The following L1TD1 variants were observed in gnomAD, a reference collection of about 807,000 sequenced individuals.
L1TD1 encodes LINE1 type transposase domain containing 1.
In L1TD1, 26 loss-of-function variants were observed where a neutral mutation model predicts 25.7. The observed-to-expected ratio is 1.01, with a 90% CI of 0.74 to 1.40. The LOEUF (loss-of-function observed/expected upper bound fraction) is 1.40. L1TD1 is among the 40% of genes most tolerant of loss of function. L1TD1 has a pLI of 0.00. For synonymous variants in L1TD1, 421 were observed against 335.6 expected (o/e 1.25, Z -2.78); for missense variants, 1,130 against 975.0 (o/e 1.16, Z -2.12).
chr1:62,197,429 A>G lies in L1TD1; in HGVS notation c.-111+901A>G, dbSNP rs919144205. Reference sequence around the variant, plus strand: ...TATATATATATATATATATATATATATATAGTTTAGTCCTGCTACTCAATC... The same window carrying G: ...TATATATATATATATATATATATATGTATAGTTTAGTCCTGCTACTCAATC... On this transcript the variant is annotated intron_variant, in intron 2 of 3. Coordinates refer to ENST00000498273, the MANE Select transcript of L1TD1 (RefSeq NM_019079.5). Among the ~76,000 whole-genome samples the G allele has an allele frequency of 2.4e-5, 3 of 126,098 alleles. No homozygotes were observed. The Admixed American group carries it at 2.5e-4, about 11-fold the overall frequency. The allele number at this position is 126,098 out of a possible 152,430, so 82.7% of individuals were successfully genotyped here.
At position 62,210,662 on chromosome 1, in the gene L1TD1, G is replaced by C. The variant is rs1557448083; in HGVS notation, c.1888G>C (p.Glu630Gln). The change falls in exon 4 of 4, where the codon GAG becomes CAG. Residue 630 changes from glutamate to glutamine, a missense_variant. Transcript: ENST00000498273. Reference protein sequence around the residue: ...SVINSIREIKEEIGNLKSSHS... With the variant: ...SVINSIREIKQEIGNLKSSHS... ...GATTAATAGCATCAGAGAGATAAAA[G>C]AGGAGATTGGAAATTTGAAAAGTTC... 6.4e-7 allele frequency: 1 copy of C among 1,559,290 alleles called. No homozygotes were observed. Among genetic ancestry groups the C allele is most frequent in the Middle Eastern group, 1.7e-4 (1 of 6,006 alleles).
At position 62,210,010 on chromosome 1, in the gene L1TD1, G is replaced by A; in HGVS notation, c.1236G>A (p.Gly412=). 6.3e-7 allele frequency: 1 copy of A among 1,580,868 alleles called. No homozygotes were observed. The highest frequency in any genetic ancestry group is 8.6e-7 in the Non-Finnish European group (1 of 1,157,076). The change falls in exon 4 of 4, where the codon GGG becomes GGA. Residue 412 remains glycine (G), a synonymous_variant. Transcript: ENST00000498273. Reference sequence around the variant, plus strand: ...AGGAGGAGGAGGAAGAGCCCTCAGGGCTGGAGGAGGAAGAAGAAGAAGAGG... The same window carrying A: ...AGGAGGAGGAGGAAGAGCCCTCAGGACTGGAGGAGGAAGAAGAAGAAGAGG... ...GLEEEEEEPS[G]LEEEEEEEAS...
At chr1:62,209,652 A>T in intron 3 of L1TD1, 131 bp from the exon 4 acceptor site, 1 of 799,862 alleles carries the variant, frequency 1.3e-6, no homozygotes, top group Non-Finnish European at 1.9e-6. Flanking sequence ...ATTAATATTT[A>T]AGCACTTTTT....
intron 1 of L1TD1, among the ~76,000 whole-genome samples, chr1:62,196,036 CAA>C (rs60515153): frequency 0.66 from 97,097 of 146,088 alleles, 31,937 homozygotes; most frequent in Non-Finnish European, 0.69. Flanking sequence ...AACTCCGTCT[CAA>C]AAAAAAAAAA....
At chr1:62,202,006 T>A (rs1670648098) in intron 2 of L1TD1, among the ~76,000 whole-genome samples, 1 of 152,106 alleles carries the variant, frequency 6.6e-6, no homozygotes, top group Non-Finnish European at 1.5e-5. Context: ...ATTTACTTAA[T>A]TAAGAGGGAT....
In L1TD1 at chr1:62,209,924, C is replaced by CT. The variant is rs781411660; in HGVS notation, c.1151dup (p.Glu385ArgfsTer5). ...GACTCAAGAGGAAGAGTTTTCCGAG[C>CT]TAGAGGAGCTGGATGAAGAGGCCTC... On this transcript the variant is annotated frameshift_variant, in exon 4 of 4. Coordinates refer to ENST00000498273, the MANE Select transcript of L1TD1 (RefSeq NM_019079.5). LOFTEE classifies it low-confidence loss of function (END_TRUNC). 6.2e-7 allele frequency: 1 copy of CT among 1,613,092 alleles called. No homozygotes were observed. The highest frequency in any genetic ancestry group is 2.2e-5 in the East Asian group (1 of 44,836).
chr1:62,201,512 T>C (rs1216712092), intron 2 of L1TD1, among the ~76,000 whole-genome samples: 1 of 125,542 alleles, frequency 8.0e-6, no homozygotes. Flanking sequence ...AAAAAAAAAA[T>C]TAGCATATTC....
intron 2 of L1TD1, among the ~76,000 whole-genome samples, chr1:62,199,527 C>A (rs577410350): frequency 2.0e-5 from 3 of 150,978 alleles, no homozygotes; most frequent in African/African-American, 7.3e-5. Context: ...GCATTTGATA[C>A]AGTTAACAAC....
chr1:62,205,439 ATATATT>A lies in L1TD1; in HGVS notation c.-110-1078_-110-1073del, dbSNP rs1236608173. Among the ~76,000 whole-genome samples the A allele has an allele frequency of 9.0e-5, 4 of 44,220 alleles. No individual in the cohort carries two copies. The East Asian group carries it at 1.8e-3, about 20-fold the overall frequency. 29.0% of individuals were successfully genotyped at this position (44,220 alleles called of 152,430 possible). A position where few individuals can be genotyped will look rare whatever the true frequency, so the allele number is the denominator to read the frequency against. On this transcript the variant is annotated intron_variant, in intron 2 of 3. Transcript: ENST00000498273. The stretch of plus-strand genomic sequence containing the variant: ...TCTCTATATATATATATATATATAT[ATATATT>A]TTTTTTTAGACAGTCTTGCTGTGTT...
chr1:62,209,709 T>A, intron 3 of L1TD1, 74 bp from the exon 4 acceptor site: 1 of 1,209,532 alleles, frequency 8.3e-7, no homozygotes, highest in Non-Finnish European at 1.1e-6. Flanking sequence ...TTAGTGAAAT[T>A]GAAATTTTAA....
In L1TD1 at chr1:62,210,757, A is replaced by G. The variant is rs1260386993; in HGVS notation, c.1983A>G (p.Glu661=). 1.9e-6 allele frequency: 3 copies of G among 1,551,526 alleles called. No homozygotes were observed. Among genetic ancestry groups the G allele is most frequent in the South Asian group, 2.4e-5 (2 of 84,000 alleles). The change falls in exon 4 of 4, where the codon GAA becomes GAG. Residue 661 remains glutamate, a synonymous_variant. Coordinates refer to ENST00000498273, the MANE Select transcript of L1TD1 (RefSeq NM_019079.5). ...DLSSRMDILE[E]RIDSLEDQIE... is the part of the protein sequence containing the mutation. ...GTAGCAGAATGGACATACTTGAAGAAAGAATAGACAGTCTAGAAGATCAAA... is the reference window on the plus strand; with the variant it reads ...GTAGCAGAATGGACATACTTGAAGAGAGAATAGACAGTCTAGAAGATCAAA...
Position 62,207,451 on chromosome 1 carries a change from A to G in L1TD1, c.823A>G (p.Lys275Glu). The change falls in exon 3 of 4, where the codon AAA becomes GAA. Residue 275 changes from lysine to glutamate, a missense_variant. Lys to Glu is a moderately conservative substitution (Grantham distance 56, BLOSUM62 1). Transcript: ENST00000498273. ...TCTGAGAGAAAATGATTTTGAACCT[A>G]AATTTCTGTGTGAAGTTAAATTAGC... ...NILRENDFEP[K>E]FLCEVKLAFK... 1.3e-6 allele frequency: 2 copies of G among 1,551,148 alleles called. No individual in the cohort carries two copies. The highest frequency in any genetic ancestry group is 1.7e-6 in the Non-Finnish European group (2 of 1,146,694).
chr1:62,205,441 A>ATTTTTTT lies in L1TD1; in HGVS notation c.-110-1077_-110-1076insTTTTTTT, dbSNP rs1447667211. On this transcript the variant is annotated intron_variant, in intron 2 of 3. Transcript: ENST00000498273. ...TCTATATATATATATATATATATAT[A>ATTTTTTT]TATTTTTTTTTAGACAGTCTTGCTG... 5.4e-4 allele frequency among the ~76,000 whole-genome samples: 29 copies of ATTTTTTT among 53,840 alleles called. 2 individuals carry two copies. The East Asian group carries it at 6.3e-3, about 12-fold the overall frequency. The allele number at this position is 53,840 out of a possible 152,430, so 35.3% of individuals were successfully genotyped here.
chr1:62,210,432 T>C lies in L1TD1; in HGVS notation c.1658T>C (p.Leu553Ser). ...SQGTGTPCLT[L>S]CLASPSKSLE... ...GGAACTGGCACACCCTGTCTGACCT[T>C]ATGTTTGGCCTCTCCCTCAAAGTCA... The change falls in exon 4 of 4, where the codon TTA becomes TCA. Residue 553 changes from leucine (L) to serine (S), a missense_variant. Coordinates refer to ENST00000498273, the MANE Select transcript of L1TD1 (RefSeq NM_019079.5). 1 of 1,614,168 alleles carries C rather than the reference T, an allele frequency of 6.2e-7. No homozygotes were observed. The highest frequency in any genetic ancestry group is 2.2e-5 in the East Asian group (1 of 44,876).
intron 2 of L1TD1, among the ~76,000 whole-genome samples, chr1:62,200,973 C>G (rs1399923121): frequency 6.6e-6 from 1 of 151,772 alleles, no homozygotes; most frequent in African/African-American, 2.4e-5. Flanking sequence ...CGCTCTGTTG[C>G]CCAGGCTGTA....
chr1:62,198,458 AAAG>A lies in L1TD1; in HGVS notation c.-111+1936_-111+1938del, dbSNP rs1190886368. Reference sequence around the variant, plus strand: ...AATTGTTCTTATTTAAAAAAAAAAAAAAGAAGAAAAGAGAAGTCCATAATCCCC... The same window carrying A: ...AATTGTTCTTATTTAAAAAAAAAAAAAAGAAAAGAGAAGTCCATAATCCCC... On this transcript the variant is annotated intron_variant, in intron 2 of 3. Coordinates refer to ENST00000498273, the MANE Select transcript of L1TD1 (RefSeq NM_019079.5). Among the ~76,000 whole-genome samples the A allele has an allele frequency of 6.4e-4, 98 of 151,962 alleles. 1 individual carries two copies. Among genetic ancestry groups the A allele is most frequent in the African/African-American group, 2.0e-3 (81 of 41,480 alleles).
intron 2 of L1TD1, among the ~76,000 whole-genome samples, chr1:62,199,936 CT>C (rs1033971757): frequency 6.6e-6 from 1 of 152,100 alleles, no homozygotes; most frequent in Non-Finnish European, 1.5e-5. Context: ...CTAATATAAT[CT>C]TTTTGTGTTT....
At chr1:62,197,397 T>TTTTATATATATATA (rs1269544269) in intron 2 of L1TD1, among the ~76,000 whole-genome samples, 52 of 80,792 alleles carry the variant, frequency 6.4e-4, no homozygotes, top group East Asian at 1.7e-3. Context: ...AAAAAATAAA[T>TTTTATATATATATA]TATATATATA....
At chr1:62,203,656 G>C (rs1438847345) in intron 2 of L1TD1, among the ~76,000 whole-genome samples, 2 of 152,184 alleles carry the variant, frequency 1.3e-5, no homozygotes, top group Non-Finnish European at 2.9e-5. Context: ...TAGGCTCACT[G>C]CAAGCTCTGC....
Sources: gnomAD v4.1 joint callset for allele counts (sites outside exome capture counted in the v4.1 genomes callset) on GRCh38, gnomAD v4.1.1 for gene constraint, MANE v1.5 for transcripts, NCBI Gene and HGNC (gene_info 2026-07-23, HGNC 2026-07-21) for gene names.